TANGO6: variants seen among roughly 807,000 people sequenced by gnomAD.
The protein encoded by TANGO6 is transport and golgi organization 6 homolog.
Under a neutral mutation model 114.2 loss-of-function variants are expected in TANGO6, and 90 were observed. The ratio of observed to expected loss-of-function variants is 0.79; its 90% CI spans 0.66 to 0.94. The LOEUF (loss-of-function observed/expected upper bound fraction) is 0.94, where lower values mean the gene tolerates loss of function less well. Among genes scored for constraint, TANGO6 ranks in the 40% least tolerant of loss-of-function variants. TANGO6 has a pLI of 0.00. For missense variants in TANGO6, 1,274 were observed against 1,315.3 expected (o/e 0.97, Z 0.49); for synonymous variants, 477 against 509.8 (o/e 0.94, Z 0.87).
At chr16:68,872,177 C>T (rs1458465814) in intron 4 of TANGO6, among the ~76,000 whole-genome samples, 1 of 151,330 alleles carries the variant, frequency 6.6e-6, no homozygotes, top group Admixed American at 6.6e-5. Context: ...GCCGAGATCT[C>T]GCCACTGCAC....
intron 15 of TANGO6, among the ~76,000 whole-genome samples, chr16:69,005,042 C>G (rs1964080098): frequency 6.6e-6 from 1 of 152,102 alleles, no homozygotes; most frequent in East Asian, 1.9e-4. Flanking sequence ...GGATGACAAA[C>G]AGTACCAAGT....
At chr16:68,876,997 A>G (rs936624022) in intron 5 of TANGO6, among the ~76,000 whole-genome samples, 3 of 152,160 alleles carry the variant, frequency 2.0e-5, no homozygotes, top group Admixed American at 6.5e-5. Flanking sequence ...GTTAATATCC[A>G]TAAGTCTTTG....
intron 4 of TANGO6, among the ~76,000 whole-genome samples, chr16:68,874,395 G>A: frequency 6.6e-6 from 1 of 152,098 alleles, no homozygotes; most frequent in Non-Finnish European, 1.5e-5. Context: ...CAGTGTCCTG[G>A]GCTGCCTGTT....
chr16:68,991,524 C>A (rs1225984284), intron 15 of TANGO6, among the ~76,000 whole-genome samples: 1 of 152,090 alleles, frequency 6.6e-6, no homozygotes, highest in Non-Finnish European at 1.5e-5. Context: ...TCCTGTAATC[C>A]TAACTACTCA....
At chr16:69,002,531 T>C (rs1044674939) in intron 15 of TANGO6, among the ~76,000 whole-genome samples, 3 of 152,152 alleles carry the variant, frequency 2.0e-5, no homozygotes, top group Non-Finnish European at 4.4e-5. Context: ...TTCCCTGCTC[T>C]TGCTTGCTCT....
intron 15 of TANGO6, among the ~76,000 whole-genome samples, chr16:68,987,770 T>A (rs1447601536): frequency 6.6e-6 from 1 of 152,254 alleles, no homozygotes; most frequent in African/African-American, 2.4e-5. Context: ...AAGAAAAATA[T>A]CTTTTGAAAA....
At chr16:69,051,532 A>G (rs1805822656) in intron 17 of TANGO6, among the ~76,000 whole-genome samples, 1 of 152,130 alleles carries the variant, frequency 6.6e-6, no homozygotes, top group Admixed American at 6.6e-5. Context: ...AAAATACAAA[A>G]ATTAACTGGG....
chr16:69,065,246 A>G (rs1035224295), intron 17 of TANGO6, among the ~76,000 whole-genome samples: 4 of 152,164 alleles, frequency 2.6e-5, no homozygotes, highest in South Asian at 4.1e-4. Flanking sequence ...ATGGTCACTG[A>G]CCACTCCAGC....
intron 17 of TANGO6, among the ~76,000 whole-genome samples, chr16:69,057,748 G>A (rs75439042): frequency 0.015 from 2,210 of 152,260 alleles, 56 homozygotes; most frequent in South Asian, 0.1. Flanking sequence ...CCAGGAGAAT[G>A]ATGAGACAGT....
intron 14 of TANGO6, among the ~76,000 whole-genome samples, chr16:68,947,835 G>A (rs1597032610): frequency 6.6e-6 from 1 of 152,060 alleles, no homozygotes; most frequent in East Asian, 1.9e-4. Flanking sequence ...CAGGTGATCC[G>A]CCTGCCCCGG....
chr16:68,946,196 C>CTT (rs1314475382), intron 14 of TANGO6, among the ~76,000 whole-genome samples: 2 of 144,820 alleles, frequency 1.4e-5, no homozygotes, highest in Non-Finnish European at 3.0e-5. Context: ...TCTTCTTCTT[C>CTT]TTTTTTTTTT....
intron 4 of TANGO6, 100 bp from the exon 5 acceptor site, chr16:68,875,054 G>C: frequency 7.6e-7 from 1 of 1,309,812 alleles, no homozygotes; most frequent in Non-Finnish European, 1.0e-6. Context: ...CAATAGAAAA[G>C]ATAAATGCAT....
intron 17 of TANGO6, among the ~76,000 whole-genome samples, chr16:69,043,281 C>A (rs1007631506): frequency 3.0e-5 from 3 of 101,020 alleles, no homozygotes; most frequent in African/African-American, 3.6e-5. Flanking sequence ...AGAGACAGAG[C>A]GAGTGTGTGT....
rs375436818 is a variant in TANGO6, at chr16:68,899,379, G to A, written c.1378-1055G>A. On this transcript the variant is annotated intron_variant, in intron 7 of 17. Transcript: ENST00000261778. ...TATTCACTACAGTACCTAAAACAGT[G>A]CTTTGAGCCCAGTGAGTGTTCAGTA... Among the ~76,000 whole-genome samples, 71 of 152,200 alleles carry A rather than the reference G, an allele frequency of 4.7e-4. 1 individual carries two copies. In the South Asian group the frequency reaches 0.015, roughly 32 times the overall value.
In TANGO6 at chr16:69,081,873, G is replaced by T. The variant is rs113404890; in HGVS notation, c.3109-1612G>T. ...GAGACAGAGTCTCACTCACTCTGTTGCCCAGGCTGGAGTGCAGTGGCTCGA... is the reference window on the plus strand; with the variant it reads ...GAGACAGAGTCTCACTCACTCTGTTTCCCAGGCTGGAGTGCAGTGGCTCGA... On this transcript the variant is annotated intron_variant, in intron 17 of 17. Coordinates refer to ENST00000261778, the MANE Select transcript of TANGO6 (RefSeq NM_024562.2). 3.7e-3 allele frequency among the ~76,000 whole-genome samples: 546 copies of T among 148,800 alleles called. 2 individuals are homozygous for T. Among genetic ancestry groups the T allele is most frequent in the African/African-American group, 0.012 (463 of 40,094 alleles).
intron 15 of TANGO6, among the ~76,000 whole-genome samples, chr16:69,011,556 G>A (rs1192960056): frequency 6.6e-6 from 1 of 151,802 alleles, no homozygotes; most frequent in Non-Finnish European, 1.5e-5. Context: ...CTGGGCTCAA[G>A]TCCTCCTCCC....
Position 68,860,050 on chromosome 16 carries a change from T to A in TANGO6, c.261T>A (p.Ser87=), listed in dbSNP as rs4597312. Residue 87 remains serine (S), a synonymous_variant, in exon 2 of 18, where the codon TCT becomes TCA. Transcript: ENST00000261778. The part of the protein sequence containing the change: ...IADKAEWPQN[S]VDVTWSFTSQ... ...ATAAGGCAGAATGGCCACAAAACTC[T>A]GTGGATGTCACTTGGAGTTTTACCT... The A allele has an allele frequency of 6.2e-7, 1 of 1,613,894 alleles. No homozygotes were observed. The highest frequency in any genetic ancestry group is 8.5e-7 in the Non-Finnish European group (1 of 1,179,882).
intron 16 of TANGO6, among the ~76,000 whole-genome samples, chr16:69,032,867 C>T (rs1356974720): frequency 7.9e-6 from 1 of 126,884 alleles, no homozygotes; most frequent in Non-Finnish European, 1.6e-5. Flanking sequence ...CAGAACAAGA[C>T]TCCATCTCAA....
intron 11 of TANGO6, among the ~76,000 whole-genome samples, chr16:68,915,338 C>T (rs985909219): frequency 1.3e-5 from 2 of 152,038 alleles, no homozygotes; most frequent in Non-Finnish European, 2.9e-5. Context: ...TAAATCACAG[C>T]TCACTGCAAA....
Sources: allele counts gnomAD v4.1 joint callset (sites outside exome capture counted in the v4.1 genomes callset), GRCh38; gene constraint gnomAD v4.1.1; transcripts MANE v1.5; gene names NCBI Gene and HGNC (gene_info 2026-07-23, HGNC 2026-07-21).